DLGAP2: variants seen among roughly 807,000 people sequenced by gnomAD.
DLGAP2 encodes disks large-associated protein 2.
Under a neutral mutation model 100.3 loss-of-function variants are expected in DLGAP2, and 26 were observed. That is an observed-to-expected ratio of 0.26 (90% confidence interval 0.19 to 0.36). The LOEUF is 0.36. Ranked by LOEUF, DLGAP2 falls within the 10% of genes least tolerant of loss-of-function variation. The pLI is 1.00. For missense variants in DLGAP2, 1,858 were observed against 1,453.2 expected, an observed-to-expected ratio of 1.28 and a Z score of -4.53; for synonymous variants, 886 against 630.1, an observed-to-expected ratio of 1.41 and a Z score of -6.08.
At chr8:1,566,000 A>C (rs762079099) in intron 6 of DLGAP2, 106 bp downstream of exon 6, 4 of 964,684 alleles carry the variant, frequency 4.1e-6, no homozygotes, top group Non-Finnish European at 5.8e-6. Context: ...ATTTAAACTA[A>C]ATTGCCAAGC....
chr8:842,576 A>G (rs907296222), intron 1 of DLGAP2, among the ~76,000 whole-genome samples: 6 of 152,078 alleles, frequency 3.9e-5, no homozygotes, highest in African/African-American at 1.4e-4. Context: ...TTCTTTCAAT[A>G]TGTAGTCAAA....
chr8:1,317,943 G>C (rs1800802369), intron 3 of DLGAP2, among the ~76,000 whole-genome samples: 1 of 68,842 alleles, frequency 1.5e-5, no homozygotes, highest in East Asian at 3.5e-4. Context: ...TTTAAAAATA[G>C]AGCGTGTGCG....
chr8:847,866 A>T (rs1797099810), intron 1 of DLGAP2, among the ~76,000 whole-genome samples: 2 of 151,104 alleles, frequency 1.3e-5, no homozygotes. Flanking sequence ...TGTCTTTATT[A>T]TTTTTTTCCC....
At chr8:841,434 C>G (rs1796982344) in intron 1 of DLGAP2, among the ~76,000 whole-genome samples, 2 of 152,142 alleles carry the variant, frequency 1.3e-5, no homozygotes, top group Admixed American at 1.3e-4. Context: ...CTGTCCCAGA[C>G]TTGGAATTAT....
At chr8:818,129 G>C (rs999142277) in intron 1 of DLGAP2, among the ~76,000 whole-genome samples, 4 of 152,186 alleles carry the variant, frequency 2.6e-5, no homozygotes, top group African/African-American at 9.7e-5. Context: ...GAGGGGCAGG[G>C]ACAGGCATGT....
At chr8:1,197,711 A>G (rs191019266) in intron 2 of DLGAP2, among the ~76,000 whole-genome samples, 11 of 136,588 alleles carry the variant, frequency 8.1e-5, no homozygotes, top group East Asian at 4.4e-4. Flanking sequence ...AATGTGGAGC[A>G]TCTGGGCCAC....
intron 2 of DLGAP2, among the ~76,000 whole-genome samples, chr8:1,042,302 T>G (rs1009588673): frequency 6.6e-6 from 1 of 152,198 alleles, no homozygotes; most frequent in Non-Finnish European, 1.5e-5. Context: ...TCATGATCCA[T>G]GAGGGAGAAA....
chr8:1,231,152 A>G (rs946122856), intron 2 of DLGAP2, among the ~76,000 whole-genome samples: 1 of 152,218 alleles, frequency 6.6e-6, no homozygotes, highest in African/African-American at 2.4e-5. Context: ...CAAGCAAAAA[A>G]CAAATAGCCC....
intron 1 of DLGAP2, among the ~76,000 whole-genome samples, chr8:784,661 G>C (rs1397965260): frequency 6.6e-6 from 1 of 152,144 alleles, no homozygotes; most frequent in Non-Finnish European, 1.5e-5. Flanking sequence ...TTTCCATGGG[G>C]AGGAATTTAA....
chr8:1,192,971 C>G (rs1412475741), intron 2 of DLGAP2, among the ~76,000 whole-genome samples: 1 of 152,046 alleles, frequency 6.6e-6, no homozygotes, highest in Admixed American at 6.6e-5. Context: ...TGGTTTCCAG[C>G]TTCATCCATG....
chr8:1,383,992 T>C (rs1233175548), intron 3 of DLGAP2, among the ~76,000 whole-genome samples: 1 of 152,244 alleles, frequency 6.6e-6, no homozygotes, highest in African/African-American at 2.4e-5. Context: ...TTTTGGTGTC[T>C]GTACTTAGTG....
chr8:1,657,091 G>A (rs75683100), intron 8 of DLGAP2, among the ~76,000 whole-genome samples: 13,205 of 152,138 alleles, frequency 0.087, 609 homozygotes, highest in Middle Eastern at 0.21. Context: ...CTTGGAATAG[G>A]TATTTTTTTT....
At chr8:1,169,187 G>T (rs1035455496) in intron 2 of DLGAP2, among the ~76,000 whole-genome samples, 2 of 152,012 alleles carry the variant, frequency 1.3e-5, no homozygotes, top group Non-Finnish European at 1.5e-5. Flanking sequence ...AGATCAGATG[G>T]TTGTAGATAT....
rs189709693 is a variant in DLGAP2, at chr8:966,410, C to T, written c.73+58444C>T. ...AAAAGATAAGTATCGAGGAAGCTTC[C>T]ATTTCAAACCAACTCCGCAGGAAAG... On this transcript the variant is annotated intron_variant, in intron 2 of 14. Coordinates refer to ENST00000637795, the MANE Select transcript of DLGAP2 (RefSeq NM_001346810.2). 2.9e-3 allele frequency among the ~76,000 whole-genome samples: 447 copies of T among 152,254 alleles called. 6 individuals carry two copies. Among genetic ancestry groups the T allele is most frequent in the African/African-American group, 0.01 (433 of 41,544 alleles).
At chr8:901,673 CTGTT>C (rs1024937032) in intron 1 of DLGAP2, among the ~76,000 whole-genome samples, 3 of 152,174 alleles carry the variant, frequency 2.0e-5, no homozygotes, top group Admixed American at 6.5e-5. Context: ...GAAGTTGAAA[CTGTT>C]TGATCAGTGG....
intron 2 of DLGAP2, among the ~76,000 whole-genome samples, chr8:998,045 A>G (rs1039487433): frequency 2.6e-5 from 4 of 151,940 alleles, no homozygotes; most frequent in Admixed American, 1.3e-4. Flanking sequence ...ATGTGCATAC[A>G]GTCATACACA....
At chr8:1,510,632 C>T (rs145046493) in intron 4 of DLGAP2, among the ~76,000 whole-genome samples, 6 of 152,268 alleles carry the variant, frequency 3.9e-5, no homozygotes, top group African/African-American at 7.2e-5. Flanking sequence ...GGTCACAGGA[C>T]GCGCATTCTC....
intron 2 of DLGAP2, among the ~76,000 whole-genome samples, chr8:958,911 T>C (rs1584924581): frequency 2.6e-5 from 4 of 152,318 alleles, no homozygotes; most frequent in African/African-American, 9.6e-5. Flanking sequence ...ATAAGGTGGC[T>C]TGATATGATT....
At chr8:1,260,795 C>G (rs1202879835) in intron 3 of DLGAP2, among the ~76,000 whole-genome samples, 1 of 152,208 alleles carries the variant, frequency 6.6e-6, no homozygotes, top group Non-Finnish European at 1.5e-5. Context: ...TTGGCTGGCG[C>G]AGGCTGACTT....
Sources: gnomAD v4.1 joint callset for allele counts (sites outside exome capture counted in the v4.1 genomes callset) on GRCh38, gnomAD v4.1.1 for gene constraint, MANE v1.5 for transcripts, NCBI Gene and HGNC (gene_info 2026-07-23, HGNC 2026-07-21) for gene names.